The following ERBIN variants were observed in gnomAD, a reference collection of about 807,000 sequenced individuals.
ERBIN encodes the protein erbb2 interacting protein.
In ERBIN, 60 loss-of-function variants were observed where a neutral mutation model predicts 158.4. The ratio of observed to expected loss-of-function variants is 0.38; its 90% CI spans 0.31 to 0.47. The LOEUF (loss-of-function observed/expected upper bound fraction) is 0.47, where lower values mean the gene tolerates loss of function less well. ERBIN is among the 20% of genes least tolerant of loss of function. ERBIN has a pLI of 0.99. For missense variants in ERBIN, 1,610 were observed against 1,648.0 expected, an observed-to-expected ratio of 0.98 and a Z score of 0.40; for synonymous variants, 594 against 557.2, an observed-to-expected ratio of 1.07 and a Z score of -0.93.
intron 1 of ERBIN, among the ~76,000 whole-genome samples, chr5:65,970,564 G>C (rs566402711): frequency 3.3e-5 from 5 of 151,978 alleles, no homozygotes; most frequent in African/African-American, 9.6e-5. Context: ...AGACTATTTG[G>C]TCTCCTTTTT....
At chr5:65,996,634 T>A (rs1309753319) in intron 4 of ERBIN, among the ~76,000 whole-genome samples, 24 of 152,176 alleles carry the variant, frequency 1.6e-4, no homozygotes, top group African/African-American at 4.6e-4. Flanking sequence ...TGGCTCCATA[T>A]GAATCATAGG....
chr5:65,998,070 T>TA (rs1752624293), intron 4 of ERBIN, among the ~76,000 whole-genome samples: 2 of 151,678 alleles, frequency 1.3e-5, no homozygotes, highest in Admixed American at 6.6e-5. Context: ...GTACTAAAAA[T>TA]ACAAAAATTA....
intron 1 of ERBIN, among the ~76,000 whole-genome samples, chr5:65,983,102 T>G (rs1750826819): frequency 6.6e-6 from 1 of 152,250 alleles, no homozygotes; most frequent in African/African-American, 2.4e-5. Context: ...TCAGTGTATA[T>G]GTCTACCACT....
At chr5:65,980,138 G>T (rs958112390) in intron 1 of ERBIN, among the ~76,000 whole-genome samples, 3 of 152,178 alleles carry the variant, frequency 2.0e-5, no homozygotes, top group Non-Finnish European at 4.4e-5. Context: ...ATATGATACT[G>T]GGTGTGGTGG....
At chr5:66,030,601 C>T (rs1310552312) in intron 14 of ERBIN, among the ~76,000 whole-genome samples, 1 of 141,304 alleles carries the variant, frequency 7.1e-6, no homozygotes, top group African/African-American at 2.7e-5. Context: ...CTTACTCTGT[C>T]ATCTAGGCTG....
Position 66,053,491 on chromosome 5 carries a change from A to C in ERBIN, c.2173A>C (p.Lys725Gln). 1 of 1,607,788 alleles carries C rather than the reference A, an allele frequency of 6.2e-7. No individual in the cohort carries two copies. The highest frequency in any genetic ancestry group is 8.5e-7 in the Non-Finnish European group (1 of 1,178,178). Reference protein sequence around the residue: ...STEEKFKAHDKKDFNLPEYDL... With the variant: ...STEEKFKAHDQKDFNLPEYDL... ...AGAGGAAAAGTTCAAAGCTCATGATAAAAAAGATTTTAACTTACCTGAATA... is the reference window on the plus strand; with the variant it reads ...AGAGGAAAAGTTCAAAGCTCATGATCAAAAAGATTTTAACTTACCTGAATA... Residue 725 changes from lysine to glutamine, a missense_variant, in exon 21 of 26, where the codon AAA (lysine) becomes CAA (glutamine). Coordinates refer to ENST00000284037, the MANE Select transcript of ERBIN (RefSeq NM_001253697.2).
At chr5:66,058,313 G>GT (rs1307858582) in intron 21 of ERBIN, among the ~76,000 whole-genome samples, 3 of 152,002 alleles carry the variant, frequency 2.0e-5, no homozygotes, top group Non-Finnish European at 2.9e-5. Context: ...TTTTTCATGT[G>GT]TTTTTTGGCT....
intron 16 of ERBIN, among the ~76,000 whole-genome samples, chr5:66,043,857 G>T (rs1358786892): frequency 1.3e-5 from 2 of 152,112 alleles, no homozygotes; most frequent in Non-Finnish European, 2.9e-5. Flanking sequence ...AAAGCTAAGT[G>T]ACACAATTTT....
chr5:66,078,396 T>C lies in ERBIN; in HGVS notation c.4132-27T>C. On this transcript the variant is annotated intron_variant, in intron 25 of 25. Coordinates refer to ENST00000284037, the MANE Select transcript of ERBIN (RefSeq NM_001253697.2). ...GCAAATAAATAACTATAAAATGTTT[T>C]TCCTAAAAGCATTTTTCCTCTTCTA... 5 of 1,380,226 alleles carry C rather than the reference T, an allele frequency of 3.6e-6. No homozygotes were observed. The African/African-American group carries it at 5.9e-5, about 16-fold the overall frequency. 85.5% of individuals were successfully genotyped at this position (1,380,226 alleles called of 1,614,324 possible).
At chr5:65,954,306 T>C (rs1580139913) in intron 1 of ERBIN, among the ~76,000 whole-genome samples, 1 of 152,332 alleles carries the variant, frequency 6.6e-6, no homozygotes, top group Admixed American at 6.5e-5. Context: ...TTGTGTCCTG[T>C]GCTTGAAAAA....
At chr5:65,996,635 G>GAA (rs1355524809) in intron 4 of ERBIN, among the ~76,000 whole-genome samples, 24 of 152,026 alleles carry the variant, frequency 1.6e-4, no homozygotes, top group African/African-American at 4.6e-4. Context: ...GGCTCCATAT[G>GAA]AATCATAGGA....
At chr5:66,032,365 T>A (rs1756975832) in intron 14 of ERBIN, among the ~76,000 whole-genome samples, 1 of 152,280 alleles carries the variant, frequency 6.6e-6, no homozygotes, top group Non-Finnish European at 1.5e-5. Context: ...TTGCTGTGAT[T>A]TGGGTGGCTG....
chr5:65,977,184 C>T (rs1439466390), intron 1 of ERBIN, among the ~76,000 whole-genome samples: 8 of 144,204 alleles, frequency 5.5e-5, no homozygotes, highest in Admixed American at 5.4e-4. Flanking sequence ...GGCGGCTGGC[C>T]GGGCGGGGGG....
At chr5:66,077,008 T>A in intron 25 of ERBIN, 59 bp downstream of exon 25, 1 of 1,281,270 alleles carries the variant, frequency 7.8e-7, no homozygotes, top group South Asian at 1.3e-5. Context: ...TTTCACAGTT[T>A]AAAATGTTTT....
chr5:66,062,016 T>C (rs972709961), intron 21 of ERBIN, among the ~76,000 whole-genome samples: 3 of 152,218 alleles, frequency 2.0e-5, no homozygotes, highest in Non-Finnish European at 4.4e-5. Context: ...CTGACAATTA[T>C]GTGTCTTGGA....
chr5:66,012,164 A>C (rs377372545), intron 5 of ERBIN, 37 bp downstream of exon 5: 2 of 1,373,718 alleles, frequency 1.5e-6, no homozygotes, highest in African/African-American at 1.5e-5. Flanking sequence ...ACTTTTGTGA[A>C]TAAAACAATT....
intron 13 of ERBIN, 97 bp downstream of exon 13, chr5:66,026,514 G>A: frequency 1.8e-6 from 1 of 541,398 alleles, no homozygotes; most frequent in Non-Finnish European, 3.0e-6. Context: ...AGTGCTTGTT[G>A]CTCTTTAAAT....
At chr5:65,998,894 CAAAAAAAAAA>C (rs34966696) in intron 4 of ERBIN, among the ~76,000 whole-genome samples, 12 of 69,912 alleles carry the variant, frequency 1.7e-4, no homozygotes, top group South Asian at 1.5e-3. Context: ...GACCCTGTCT[CAAAAAAAAAA>C]AAAAAAAAAA....
chr5:65,938,473 T>G (rs1744362387), intron 1 of ERBIN, among the ~76,000 whole-genome samples: 1 of 150,754 alleles, frequency 6.6e-6, no homozygotes, highest in Admixed American at 6.6e-5. Context: ...TGGGCTGAAG[T>G]GACAGGTGTG....
Sources: allele counts gnomAD v4.1 joint callset (sites outside exome capture counted in the v4.1 genomes callset), GRCh38; gene constraint gnomAD v4.1.1; transcripts MANE v1.5; gene names NCBI Gene and HGNC (gene_info 2026-07-23, HGNC 2026-07-21).